RGS12: variants seen among roughly 807,000 people sequenced by gnomAD.
The protein encoded by RGS12 is regulator of G protein signaling 12.
A neutral mutation model predicts 120.1 loss-of-function variants in RGS12; 66 were observed. The observed-to-expected ratio is 0.55, with a 90% confidence interval of 0.45 to 0.67. The LOEUF is 0.67. RGS12 is among the 30% of genes least tolerant of loss of function. The pLI, the probability that RGS12 is intolerant of heterozygous loss-of-function variation, is 0.00. For missense variants in RGS12, 1,859 were observed against 1,957.7 expected, an observed-to-expected ratio of 0.95 and a Z score of 0.95; for synonymous variants, 827 against 804.7, an observed-to-expected ratio of 1.03 and a Z score of -0.47.
intron 3 of RGS12, among the ~76,000 whole-genome samples, chr4:3,373,275 G>A (rs1430186719): frequency 6.6e-6 from 1 of 152,242 alleles, no homozygotes; most frequent in African/African-American, 2.4e-5. Flanking sequence ...CGGGCCGGCT[G>A]GGCCAGGCTC....
chr4:3,411,298 GT>G (rs1375662096), intron 4 of RGS12, among the ~76,000 whole-genome samples: 2 of 132,844 alleles, frequency 1.5e-5, no homozygotes, highest in African/African-American at 2.7e-5. Flanking sequence ...CACCGATGCT[GT>G]CCCCTGCGTG....
chr4:3,288,364 G>A (rs377655116), upstream of RGS12, among the ~76,000 whole-genome samples: 1 of 152,144 alleles, frequency 6.6e-6, no homozygotes, highest in Non-Finnish European at 1.5e-5. The surrounding 1 kb of genome is among the most constrained non-coding windows in gnomAD (Gnocchi z 5.2). Context: ...TGTGAGCCGC[G>A]CAGAGGCCTG....
intron 2 of RGS12, among the ~76,000 whole-genome samples, chr4:3,339,740 C>T (rs1267921704): frequency 6.6e-6 from 1 of 152,116 alleles, no homozygotes; most frequent in Non-Finnish European, 1.5e-5. Context: ...GGTGGGCGGG[C>T]GGTTGCTGGG....
At chr4:3,384,050 T>A (rs1248222203) in intron 3 of RGS12, among the ~76,000 whole-genome samples, 3 of 152,264 alleles carry the variant, frequency 2.0e-5, no homozygotes, top group African/African-American at 7.2e-5. Context: ...TTATGAAGTT[T>A]ACATTTTATG....
intron 2 of RGS12, among the ~76,000 whole-genome samples, chr4:3,320,631 G>T (rs1560660774): frequency 6.6e-6 from 1 of 152,168 alleles, no homozygotes; most frequent in African/African-American, 2.4e-5. Flanking sequence ...AGGTAGTAAC[G>T]TGTTGTGTTT....
chr4:3,407,837 A>G (rs76875989), intron 4 of RGS12, among the ~76,000 whole-genome samples: 3,522 of 152,344 alleles, frequency 0.023, 75 homozygotes, highest in East Asian at 0.069. Context: ...ATCTTACGGT[A>G]TTAACATTTG....
intron 4 of RGS12, among the ~76,000 whole-genome samples, chr4:3,404,348 T>TGGTA (rs1184247620): frequency 6.6e-6 from 1 of 152,214 alleles, no homozygotes; most frequent in African/African-American, 2.4e-5. Context: ...AGTGACTGCA[T>TGGTA]GGTAGGTATT....
chr4:3,345,992 A>G (rs1246895424), intron 3 of RGS12, among the ~76,000 whole-genome samples: 2 of 152,074 alleles, frequency 1.3e-5, no homozygotes, highest in African/African-American at 4.8e-5. Context: ...CCTGGGCTCA[A>G]TCTGTCTTCC....
intron 2 of RGS12, among the ~76,000 whole-genome samples, chr4:3,333,592 A>C (rs1447412590): frequency 6.6e-6 from 1 of 152,226 alleles, no homozygotes; most frequent in Non-Finnish European, 1.5e-5. Context: ...TTCTAGCACT[A>C]ATCTCGTCCT....
chr4:3,316,192 TCCAAACGCCCATTG>T lies in RGS12; in HGVS notation c.25_38del (p.Lys9TrpfsTer56). The T allele has an allele frequency of 6.3e-7, 1 of 1,576,806 alleles. No individual in the cohort carries two copies. The highest frequency in any genetic ancestry group is 8.6e-7 in the Non-Finnish European group (1 of 1,160,360). ...CAGAATGTTTAGAGCTGGGGAGGCC[TCCAAACGCCCATTG>T]CCTGGGCCGTCGCCCCCAAGGGTGC... On this transcript the variant is annotated frameshift_variant, in exon 2 of 18. Coordinates refer to ENST00000336727, the MANE Select transcript of RGS12 (RefSeq NM_001394154.1). LOFTEE classifies it high-confidence loss of function.
At chr4:3,401,577 G>A (rs1300277339) in intron 4 of RGS12, among the ~76,000 whole-genome samples, 2 of 152,238 alleles carry the variant, frequency 1.3e-5, no homozygotes, top group East Asian at 3.8e-4. Flanking sequence ...GTCCGAGCAC[G>A]GTTTTTACTG....
At position 3,333,328 on chromosome 4, in the gene RGS12, C is replaced by T. The variant is rs532024055; in HGVS notation, c.1882-9609C>T. Among the ~76,000 whole-genome samples, 9 of 152,296 alleles carry T rather than the reference C, an allele frequency of 5.9e-5. No individual in the cohort carries two copies. In the South Asian group the frequency reaches 1.5e-3, roughly 25 times the overall value. ...CCTCCCAAAGTGCTGGGATTACAGG[C>T]GTGAGCTACCGTGCCCGGCCTGGTC... On this transcript the variant is annotated intron_variant, in intron 2 of 17. Coordinates refer to ENST00000336727, the MANE Select transcript of RGS12 (RefSeq NM_001394154.1).
chr4:3,342,573 C>T, intron 2 of RGS12: 4 of 1,305,750 alleles, frequency 3.1e-6, no homozygotes, highest in Non-Finnish European at 4.0e-6. Flanking sequence ...CATCTTTACT[C>T]TCAGTGTACT....
intron 1 of RGS12, among the ~76,000 whole-genome samples, chr4:3,299,580 C>T (rs1040110804): frequency 3.9e-5 from 6 of 152,066 alleles, no homozygotes; most frequent in East Asian, 3.9e-4. Flanking sequence ...ACAGAGCTGC[C>T]GGCACTTTGA....
At chr4:3,326,485 A>G (rs1267884780) in intron 2 of RGS12, among the ~76,000 whole-genome samples, 1 of 152,176 alleles carries the variant, frequency 6.6e-6, no homozygotes, top group Non-Finnish European at 1.5e-5. Flanking sequence ...TGGCTCAAGC[A>G]ATCTGCCTGC....
intron 1 of RGS12, among the ~76,000 whole-genome samples, chr4:3,308,465 G>T (rs1489667674): frequency 6.6e-6 from 1 of 152,222 alleles, no homozygotes. Context: ...GTCTTGGAGC[G>T]GGGCTAGCGA....
chr4:3,319,451 C>T (rs931579001), intron 2 of RGS12, among the ~76,000 whole-genome samples: 2 of 151,822 alleles, frequency 1.3e-5, no homozygotes, highest in Non-Finnish European at 2.9e-5. Flanking sequence ...TTTTTGGGGA[C>T]AGGGTCTGGC....
Position 3,430,701 on chromosome 4 carries a change from C to T in RGS12, c.3860C>T (p.Thr1287Met), listed in dbSNP as rs762315278. The T allele has an allele frequency of 2.0e-4, 313 of 1,574,644 alleles. No individual in the cohort carries two copies. The highest frequency in any genetic ancestry group is 2.7e-4 in the South Asian group (23 of 84,602). ...TCCAGCCCCCCTGGACCTCCTGGGA[C>T]GACCCCCCCCGGGCAGAAGTCTCCC... is the stretch of plus-strand genomic sequence containing the variant. ...SASSPPGPPG[T>M]TPPGQKSPSG... Residue 1287 changes from threonine (T) to methionine (M), a missense_variant, in exon 17 of 18, where the codon ACG becomes ATG. Thr to Met is a moderately conservative substitution (Grantham distance 81). Coordinates refer to ENST00000336727, the MANE Select transcript of RGS12 (RefSeq NM_001394154.1).
At chr4:3,312,434 TGGACCTGTGA>T (rs1724462446) in intron 1 of RGS12, 1 of 208,008 alleles carries the variant, frequency 4.8e-6, no homozygotes, top group Admixed American at 4.5e-5. Context: ...GTGAACACTG[TGGACCTGTGA>T]GGGTGTGAGG....
Sources: allele counts gnomAD v4.1 joint callset (sites outside exome capture counted in the v4.1 genomes callset), GRCh38; gene constraint gnomAD v4.1.1; non-coding constraint Gnocchi (gnomAD v3.1); transcripts MANE v1.5; gene names NCBI Gene and HGNC (gene_info 2026-07-23, HGNC 2026-07-21).